Variants in RPGRIP1L observed in about 807,000 individuals in gnomAD.
RPGRIP1L encodes RPGRIP1 like, also known as protein fantom.
Under a neutral mutation model 160.4 loss-of-function variants are expected in RPGRIP1L, and 131 were observed. That is an observed-to-expected ratio of 0.82 (90% CI 0.71 to 0.94). The LOEUF (loss-of-function observed/expected upper bound fraction) is 0.94. Ranked by LOEUF, RPGRIP1L falls within the 40% of genes least tolerant of loss-of-function variation. The probability of loss-of-function intolerance (pLI) is 0.00; values close to 1 mark genes in which losing one functional copy is unlikely to be tolerated. For synonymous variants in RPGRIP1L, 510 were observed against 515.8 expected, an observed-to-expected ratio of 0.99 and a Z score of 0.15; for missense variants, 1,522 against 1,535.8, an observed-to-expected ratio of 0.99 and a Z score of 0.15.
rs1443943698 is a variant in RPGRIP1L, at chr16:53,686,551, C to T, written c.658G>A (p.Gly220Ser). The change falls in exon 6 of 27, where the codon GGC (glycine) becomes AGC (serine). Residue 220 changes from glycine to serine, a missense_variant. Physicochemically the swap from Gly to Ser is moderately conservative, Grantham distance 56 (BLOSUM62 0). Transcript: ENST00000647211. ...NLENVIQSQR[G>S]QIEELEHLAE... Reference sequence around the variant, plus strand: ...AAGTGCTCTAACTCCTCTATCTGGCCTCTTTGTGACTGAATAACGTTTTCT... The same window carrying T: ...AAGTGCTCTAACTCCTCTATCTGGCTTCTTTGTGACTGAATAACGTTTTCT... 1.2e-6 allele frequency: 2 copies of T among 1,613,644 alleles called. No homozygotes were observed. The highest frequency in any genetic ancestry group is 1.7e-6 in the Non-Finnish European group (2 of 1,179,744).
intron 6 of RPGRIP1L, among the ~76,000 whole-genome samples, chr16:53,677,968 C>G (rs535266155): frequency 6.6e-6 from 1 of 152,264 alleles, no homozygotes; most frequent in South Asian, 2.1e-4. Flanking sequence ...CTCTGACAGT[C>G]ATGGACCAAA....
At position 53,672,909 on chromosome 16, in the gene RPGRIP1L, T is replaced by C. The variant is rs967656065; in HGVS notation, c.990A>G (p.Gln330=). 1.2e-6 allele frequency: 2 copies of C among 1,613,074 alleles called. No individual in the cohort carries two copies. The highest frequency in any genetic ancestry group is 1.7e-6 in the Non-Finnish European group (2 of 1,179,518). ...QRLKCCSLEK[Q]LHSMKFSERR... is the part of the protein sequence containing the mutation. ...TTTCAGAAAACTTCATAGAATGTAATTGTTTCTCAAGACTGCAGCATTTTA... is the reference window on the plus strand; with the variant it reads ...TTTCAGAAAACTTCATAGAATGTAACTGTTTCTCAAGACTGCAGCATTTTA... The change falls in exon 8 of 27, where the codon CAA becomes CAG. Residue 330 remains glutamine, a synonymous_variant. Transcript: ENST00000647211.
chr16:53,678,901 T>G (rs1277721351), intron 6 of RPGRIP1L, among the ~76,000 whole-genome samples: 1 of 152,156 alleles, frequency 6.6e-6, no homozygotes, highest in African/African-American at 2.4e-5. Context: ...TTCATAGTTT[T>G]TATTAGGGAT....
intron 26 of RPGRIP1L, 105 bp downstream of exon 26, chr16:53,605,376 C>T (rs763534544): frequency 2.3e-5 from 29 of 1,266,910 alleles, no homozygotes; most frequent in Non-Finnish European, 3.1e-5. Context: ...ATTCAAGTAA[C>T]GTGTGACTCA....
At chr16:53,608,374 T>A (rs1166015183) in intron 25 of RPGRIP1L, among the ~76,000 whole-genome samples, 1 of 152,246 alleles carries the variant, frequency 6.6e-6, no homozygotes, top group Admixed American at 6.5e-5. Context: ...TCTTTGTAGA[T>A]GTAATTCATT....
chr16:53,641,295 G>A lies in RPGRIP1L; in HGVS notation c.2864C>T (p.Thr955Ile). 6.2e-7 allele frequency: 1 copy of A among 1,613,850 alleles called. No homozygotes were observed. Residue 955 changes from threonine to isoleucine, a missense_variant, in exon 18 of 27, where the codon ACA becomes ATA. Coordinates refer to ENST00000647211, the MANE Select transcript of RPGRIP1L (RefSeq NM_015272.5). ...QRLPPASSVS[T>I]LVLAPRPKPR... ...GTCACTGATACTCACTAAAACTAGTGTGCTAACAGAGGATGCTGGAGGAAG... is the reference window on the plus strand; with the variant it reads ...GTCACTGATACTCACTAAAACTAGTATGCTAACAGAGGATGCTGGAGGAAG...
At chr16:53,649,819 G>T (rs1164014074) in intron 15 of RPGRIP1L, among the ~76,000 whole-genome samples, 1 of 152,122 alleles carries the variant, frequency 6.6e-6, no homozygotes, top group Non-Finnish European at 1.5e-5. Context: ...TGGCCCGTCT[G>T]TTTACCAGCC....
chr16:53,678,850 C>T (rs1969398401), intron 6 of RPGRIP1L, among the ~76,000 whole-genome samples: 1 of 152,126 alleles, frequency 6.6e-6, no homozygotes, highest in Admixed American at 6.6e-5. Context: ...CAAACAGTGG[C>T]AGACATTCTG....
At chr16:53,620,154 G>A (rs536636771) in intron 23 of RPGRIP1L, among the ~76,000 whole-genome samples, 1 of 152,160 alleles carries the variant, frequency 6.6e-6, no homozygotes, top group Non-Finnish European at 1.5e-5. Flanking sequence ...CAGCTTTTAG[G>A]AATTCATTGT....
At chr16:53,602,645 C>G (rs1158474985) in intron 26 of RPGRIP1L, among the ~76,000 whole-genome samples, 3 of 152,010 alleles carry the variant, frequency 2.0e-5, no homozygotes, top group African/African-American at 7.3e-5. Flanking sequence ...CATGGTGGTG[C>G]ATGCCTGTAG....
intron 24 of RPGRIP1L, among the ~76,000 whole-genome samples, chr16:53,614,352 T>C (rs993622624): frequency 6.6e-6 from 1 of 152,202 alleles, no homozygotes; most frequent in Non-Finnish European, 1.5e-5. Context: ...TCACAACCCC[T>C]TAAAAGGCTT....
intron 17 of RPGRIP1L, among the ~76,000 whole-genome samples, chr16:53,644,037 AG>A (rs1966401957): frequency 6.6e-6 from 1 of 152,170 alleles, no homozygotes; most frequent in Admixed American, 6.5e-5. Context: ...ATATAGTAAG[AG>A]ATTATAATGT....
chr16:53,674,776 A>G (rs1314384969), intron 7 of RPGRIP1L, among the ~76,000 whole-genome samples: 1 of 152,162 alleles, frequency 6.6e-6, no homozygotes, highest in Non-Finnish European at 1.5e-5. Context: ...TATGGTTATT[A>G]TTTTAAGATG....
chr16:53,697,022 C>T (rs545726692), intron 2 of RPGRIP1L, among the ~76,000 whole-genome samples: 28 of 152,028 alleles, frequency 1.8e-4, no homozygotes, highest in African/African-American at 6.3e-4. Context: ...GGTGAAACCC[C>T]GTCTCTACTA....
intron 19 of RPGRIP1L, among the ~76,000 whole-genome samples, chr16:53,639,679 C>G (rs1966080424): frequency 6.6e-6 from 1 of 152,156 alleles, no homozygotes; most frequent in Non-Finnish European, 1.5e-5. Flanking sequence ...TACTTAACCT[C>G]TCTAAACATC....
rs1963603688 is a variant in RPGRIP1L, at chr16:53,605,274, C to T, written c.3835+207G>A. 6.5e-6 allele frequency: 4 copies of T among 613,124 alleles called. No individual in the cohort carries two copies. In the South Asian group the frequency reaches 7.8e-5, roughly 12 times the overall value. The allele number at this position is 613,124 out of a possible 1,614,324, so 38.0% of individuals were successfully genotyped here. The stretch of plus-strand genomic sequence containing the variant: ...AGCTAAATTAATTATTTTACAATTG[C>T]TGTTGATTCAAAGGAAAGCAGGGGG... On this transcript the variant is annotated intron_variant, in intron 26 of 26. Transcript: ENST00000647211.
At chr16:53,627,762 A>G (rs1380828828) in intron 22 of RPGRIP1L, among the ~76,000 whole-genome samples, 2 of 152,060 alleles carry the variant, frequency 1.3e-5, no homozygotes, top group Non-Finnish European at 2.9e-5. Flanking sequence ...TATATTTTTG[A>G]GATTTATCAC....
intron 22 of RPGRIP1L, among the ~76,000 whole-genome samples, chr16:53,630,085 C>T (rs903732445): frequency 6.6e-6 from 1 of 152,132 alleles, no homozygotes; most frequent in Non-Finnish European, 1.5e-5. Context: ...TCTCCTCTGT[C>T]ACACAGGCTG....
intron 6 of RPGRIP1L, among the ~76,000 whole-genome samples, chr16:53,677,614 C>T (rs535033391): frequency 3.9e-4 from 59 of 151,706 alleles, no homozygotes; most frequent in Middle Eastern, 6.8e-3. Context: ...TTTATATAGA[C>T]GAAATATGGT....
Sources: allele counts gnomAD v4.1 joint callset (sites outside exome capture counted in the v4.1 genomes callset), GRCh38; gene constraint gnomAD v4.1.1; transcripts MANE v1.5; gene names NCBI Gene and HGNC (gene_info 2026-07-23, HGNC 2026-07-21).